The following GNB1L variants were observed in gnomAD, a reference collection of about 807,000 sequenced individuals.
GNB1L encodes the protein guanine nucleotide-binding protein subunit beta-like protein 1.
GNB1L carries 20 observed loss-of-function variants against 29.1 expected under a neutral mutation model. The ratio of observed to expected loss-of-function variants is 0.69; its 90% CI spans 0.48 to 1.00. The LOEUF (loss-of-function observed/expected upper bound fraction) is 1.00, where lower values mean the gene tolerates loss of function less well. Among genes scored for constraint, GNB1L ranks in the 50% least tolerant of loss-of-function variants. The probability of loss-of-function intolerance (pLI) is 0.00; values close to 1 mark genes in which losing one functional copy is unlikely to be tolerated. For synonymous variants in GNB1L, 193 were observed against 206.5 expected, an observed-to-expected ratio of 0.93 and a Z score of 0.56; for missense variants, 421 against 464.9, an observed-to-expected ratio of 0.91 and a Z score of 0.87.
intron 7 of GNB1L, among the ~76,000 whole-genome samples, chr22:19,795,030 A>G (rs1197554599): frequency 6.6e-6 from 1 of 152,162 alleles, no homozygotes; most frequent in Non-Finnish European, 1.5e-5. Context: ...GATGCTTTTT[A>G]AATATCAAGA....
intron 7 of GNB1L, among the ~76,000 whole-genome samples, chr22:19,799,891 T>G (rs1233460512): frequency 6.6e-6 from 1 of 152,192 alleles, no homozygotes; most frequent in Non-Finnish European, 1.5e-5. Context: ...CGTTAAGATG[T>G]GACATTGGGC....
In GNB1L at chr22:19,850,891, G is replaced by T. The variant is rs527599768; in HGVS notation, c.-21+3552C>A. On this transcript the variant is annotated intron_variant, in intron 2 of 7. Coordinates refer to ENST00000329517, the MANE Select transcript of GNB1L (RefSeq NM_053004.3). ...GATCTACAAAACGACCCCCTCGTGG[G>T]AGCAGGCCTGGGTGAGACGGCACTC... 2.6e-5 allele frequency: 35 copies of T among 1,345,720 alleles called. No individual in the cohort carries two copies. In the East Asian group the frequency reaches 4.9e-4, roughly 19 times the overall value. The allele number at this position is 1,345,720 out of a possible 1,614,324, so 83.4% of individuals were successfully genotyped here. A position where few individuals can be genotyped will look rare whatever the true frequency, so the allele number is the denominator to read the frequency against.
intron 2 of GNB1L, chr22:19,852,112 G>A: frequency 1.2e-6 from 2 of 1,614,234 alleles, no homozygotes; most frequent in South Asian, 2.2e-5. Context: ...CCCCACAGCA[G>A]GGCCGCTCAA....
At chr22:19,843,608 C>T (rs1303574699) in intron 2 of GNB1L, among the ~76,000 whole-genome samples, 2 of 152,206 alleles carry the variant, frequency 1.3e-5, no homozygotes, top group Non-Finnish European at 2.9e-5. Flanking sequence ...CTGCATCAGG[C>T]ATATCCGTCT....
In GNB1L at chr22:19,819,924, CG is replaced by C. The variant is rs550172057; in HGVS notation, c.254+673del. ...CACTATACACCCAAGCCCTGCGCCC[CG>C]CCCCTGGCCACTCAGCCACCATCTT... is the stretch of plus-strand genomic sequence containing the variant. On this transcript the variant is annotated intron_variant, in intron 4 of 7. Transcript: ENST00000329517. Among the ~76,000 whole-genome samples, 9 of 152,270 alleles carry C rather than the reference CG, an allele frequency of 5.9e-5. No individual in the cohort carries two copies. In the South Asian group the frequency reaches 1.9e-3, roughly 32 times the overall value.
chr22:19,801,339 AGAGT>A (rs1325877612), intron 7 of GNB1L, among the ~76,000 whole-genome samples: 1 of 152,186 alleles, frequency 6.6e-6, no homozygotes. Context: ...GACTTGCACC[AGAGT>A]GAGACCTGGA....
chr22:19,840,479 A>G (rs1937840591), intron 2 of GNB1L, among the ~76,000 whole-genome samples: 1 of 152,208 alleles, frequency 6.6e-6, no homozygotes, highest in Admixed American at 6.5e-5. Flanking sequence ...CAGCAGGGCT[A>G]GGTCATGCTG....
In GNB1L at chr22:19,812,308, C is replaced by T. The variant is rs760537864; in HGVS notation, c.394G>A (p.Val132Met). The change falls in exon 5 of 8, where the codon GTG becomes ATG. Residue 132 changes from valine (V) to methionine (M), a missense_variant. Coordinates refer to ENST00000329517, the MANE Select transcript of GNB1L (RefSeq NM_053004.3). ...AGGQPRWTLA[V>M]PGRGSDEVQI... ...ACCTCGTCGCTGCCCCTCCCTGGCACGGCAAGCGTCCAGCGTGGCTGGCCC... is the reference window on the plus strand; with the variant it reads ...ACCTCGTCGCTGCCCCTCCCTGGCATGGCAAGCGTCCAGCGTGGCTGGCCC... 4.1e-5 allele frequency: 66 copies of T among 1,612,646 alleles called. No individual in the cohort carries two copies. The highest frequency in any genetic ancestry group is 1.1e-4 in the East Asian group (5 of 44,888).
At chr22:19,793,909 A>G (rs1937278300) in intron 7 of GNB1L, among the ~76,000 whole-genome samples, 1 of 152,250 alleles carries the variant, frequency 6.6e-6, no homozygotes, top group African/African-American at 2.4e-5. Flanking sequence ...ACTTGGGTCT[A>G]TAGGATGAGC....
chr22:19,820,995 C>T (rs559872411), intron 3 of GNB1L, among the ~76,000 whole-genome samples: 149 of 152,318 alleles, frequency 9.8e-4, no homozygotes, highest in African/African-American at 2.7e-3. Flanking sequence ...CAGTAATGCA[C>T]GCTGGGTGGT....
rs543829270 is a variant in GNB1L, at chr22:19,851,131, T to A, written c.-21+3312A>T. ...CGCTCAAGCCACACAGGCCACTTCA[T>A]CATGAGGGGCAGCATTGTTCCCACC... On this transcript the variant is annotated intron_variant, in intron 2 of 7. Transcript: ENST00000329517. The A allele has an allele frequency of 4.5e-6, 7 of 1,546,422 alleles. No individual in the cohort carries two copies. The East Asian group carries it at 1.6e-4, about 36-fold the overall frequency.
At position 19,816,201 on chromosome 22, in the gene GNB1L, G is replaced by A. The variant is rs934985359; in HGVS notation, c.255-3754C>T. Reference sequence around the variant, plus strand: ...TTGCACTCCTTCCTTCCCTGGGGACGAGGCCCAGGCCCATATTCCTCAGAT... The same window carrying A: ...TTGCACTCCTTCCTTCCCTGGGGACAAGGCCCAGGCCCATATTCCTCAGAT... On this transcript the variant is annotated intron_variant, in intron 4 of 7. Transcript: ENST00000329517. This position sits in a 1 kb window ranked among gnomAD's most constrained non-coding sequence, Gnocchi z 4.4. 4.6e-5 allele frequency among the ~76,000 whole-genome samples: 7 copies of A among 152,172 alleles called. No individual in the cohort carries two copies. Among genetic ancestry groups the A allele is most frequent in the African/African-American group, 9.7e-5 (4 of 41,438 alleles).
chr22:19,827,978 C>T (rs1245143351), intron 2 of GNB1L, among the ~76,000 whole-genome samples: 2 of 152,198 alleles, frequency 1.3e-5, no homozygotes, highest in Admixed American at 1.3e-4. Flanking sequence ...CGATAGAATA[C>T]TCCACAGAAC....
chr22:19,795,624 TTAAA>T (rs1336130999), intron 7 of GNB1L, among the ~76,000 whole-genome samples: 1 of 152,244 alleles, frequency 6.6e-6, no homozygotes, highest in East Asian at 1.9e-4. Flanking sequence ...TATTTGGAAA[TTAAA>T]TAACACACCC....
At chr22:19,808,151 T>C (rs1455801051) in intron 5 of GNB1L, among the ~76,000 whole-genome samples, 1 of 152,046 alleles carries the variant, frequency 6.6e-6, no homozygotes, top group East Asian at 1.9e-4. Context: ...GAGCTCAGCC[T>C]CCAACACAGG....
chr22:19,841,111 C>A (rs1676185495), intron 2 of GNB1L, among the ~76,000 whole-genome samples: 1 of 152,184 alleles, frequency 6.6e-6, no homozygotes, highest in Non-Finnish European at 1.5e-5. Context: ...AATTCAGGAA[C>A]CCTGGATGAA....
At position 19,820,597 on chromosome 22, in the gene GNB1L, C is replaced by A. The variant is rs202068306; in HGVS notation, c.254+1G>T. On this transcript the variant is annotated splice_donor_variant, in intron 4 of 7. Coordinates refer to ENST00000329517, the MANE Select transcript of GNB1L (RefSeq NM_053004.3). LOFTEE classifies it high-confidence loss of function. ...CTGGCTCCTGCACCTTGGAGACCCACCTGAGGAGCTGGCGCCCCTGGGGCA... is the reference window on the plus strand; with the variant it reads ...CTGGCTCCTGCACCTTGGAGACCCAACTGAGGAGCTGGCGCCCCTGGGGCA... 173 of 1,611,424 alleles carry A rather than the reference C, an allele frequency of 1.1e-4. No individual in the cohort carries two copies. Among genetic ancestry groups the A allele is most frequent in the Non-Finnish European group, 1.2e-5 (14 of 1,179,212 alleles).
chr22:19,806,573 C>A (rs769996603), intron 6 of GNB1L, 86 bp downstream of exon 6: 7 of 835,404 alleles, frequency 8.4e-6, no homozygotes, highest in South Asian at 3.3e-5. Flanking sequence ...CTGAGTGGCT[C>A]GACGATAAAT....
intron 7 of GNB1L, among the ~76,000 whole-genome samples, chr22:19,793,735 G>C (rs1473758543): frequency 1.3e-5 from 2 of 152,188 alleles, no homozygotes; most frequent in African/African-American, 4.8e-5. Context: ...CAGAAACAAT[G>C]TAACAACATC....
Sources: gnomAD v4.1 joint callset for allele counts (sites outside exome capture counted in the v4.1 genomes callset) on GRCh38, gnomAD v4.1.1 for gene constraint, Gnocchi (gnomAD v3.1) non-coding constraint, MANE v1.5 for transcripts, NCBI Gene and HGNC (gene_info 2026-07-23, HGNC 2026-07-21) for gene names.